SLC22A14: variants seen among roughly 807,000 people sequenced by gnomAD.
SLC22A14 encodes organic cation transporter-like 4.
Under a neutral mutation model 53.9 loss-of-function variants are expected in SLC22A14, and 50 were observed. The observed-to-expected ratio is 0.93, with a 90% CI of 0.74 to 1.17. The LOEUF (loss-of-function observed/expected upper bound fraction) is 1.17. Among genes scored for constraint, SLC22A14 ranks in the 50% most tolerant of loss-of-function variants. SLC22A14 has a pLI of 0.00. For missense variants in SLC22A14, 671 were observed against 734.7 expected, an observed-to-expected ratio of 0.91 and a Z score of 1.00; for synonymous variants, 312 against 303.0, an observed-to-expected ratio of 1.03 and a Z score of -0.31.
Position 38,316,329 on chromosome 3 carries a change from C to T in SLC22A14, c.1538C>T (p.Thr513Ile), listed in dbSNP as rs1704616690. The T allele has an allele frequency of 6.2e-7, 1 of 1,614,072 alleles. No homozygotes were observed. The part of the protein sequence containing the change: ...AELLPTVLRA[T>I]GLGLVSLASV... ...GCTCTCACCTCCACTTTCAGGGCGA[C>T]AGGTCTGGGGCTGGTGTCTCTGGCC... Residue 513 changes from threonine to isoleucine, a missense_variant, in exon 10 of 11, where the codon ACA (threonine) becomes ATA (isoleucine). Transcript: ENST00000448498.
At chr3:38,288,436 G>A (rs1703837543) in intron 1 of SLC22A14, among the ~76,000 whole-genome samples, 1 of 152,084 alleles carries the variant, frequency 6.6e-6, no homozygotes, top group Non-Finnish European at 1.5e-5. Context: ...CAATTCTTTT[G>A]TGTATGTACC....
chr3:38,317,499 C>G (rs907823090), intron 10 of SLC22A14, among the ~76,000 whole-genome samples: 2 of 152,182 alleles, frequency 1.3e-5, no homozygotes, highest in African/African-American at 4.8e-5. Context: ...ACAGTGACAA[C>G]TGAGTAGGGC....
chr3:38,309,395 G>A (rs1343710511), intron 5 of SLC22A14, among the ~76,000 whole-genome samples: 1 of 152,164 alleles, frequency 6.6e-6, no homozygotes, highest in Non-Finnish European at 1.5e-5. Context: ...TTAAGGCCAA[G>A]GGAAGGGTCA....
chr3:38,308,543 C>A (rs1215357446), intron 4 of SLC22A14, among the ~76,000 whole-genome samples: 1 of 152,198 alleles, frequency 6.6e-6, no homozygotes, highest in East Asian at 1.9e-4. Context: ...GGCAGGAGAA[C>A]CTCTTCTCAT....
At position 38,307,667 on chromosome 3, in the gene SLC22A14, G is replaced by T. The variant is rs146612743; in HGVS notation, c.722G>T (p.Arg241Leu). The change falls in exon 4 of 11, where the codon CGC (arginine) becomes CTC (leucine). Residue 241 changes from arginine (R) to leucine (L), a missense_variant. Coordinates refer to ENST00000448498, the MANE Select transcript of SLC22A14 (RefSeq NM_001320033.2). The surrounding 1 kb of genome is among the most constrained non-coding windows in gnomAD (Gnocchi z 4.4). ...MNSFHLYLFFRFGISQSVVGY... is the reference protein window; with the variant it reads ...MNSFHLYLFFLFGISQSVVGY... ...AGCTTTCACCTGTATTTGTTCTTTC[G>T]CTTTGGCATCTCGCAGTCAGTGGTG... is the stretch of plus-strand genomic sequence containing the variant. 6.2e-7 allele frequency: 1 copy of T among 1,614,180 alleles called. No homozygotes were observed. The highest frequency in any genetic ancestry group is 8.5e-7 in the Non-Finnish European group (1 of 1,180,040).
intron 10 of SLC22A14, 74 bp from the exon 11 acceptor site, chr3:38,318,124 A>G: frequency 7.1e-7 from 1 of 1,412,410 alleles, no homozygotes; most frequent in Non-Finnish European, 1.0e-6. Context: ...GGCGCTGCTG[A>G]AGGCACAAGC....
At chr3:38,312,030 G>A (rs1704481409) in intron 5 of SLC22A14, among the ~76,000 whole-genome samples, 1 of 152,152 alleles carries the variant, frequency 6.6e-6, no homozygotes, top group South Asian at 2.1e-4. Flanking sequence ...GCTGAACCCT[G>A]GTGGGAGAGA....
At chr3:38,316,254 G>A in intron 9 of SLC22A14, 70 bp from the exon 10 acceptor site, 4 of 1,375,588 alleles carry the variant, frequency 2.9e-6, no homozygotes, top group South Asian at 1.2e-5. Flanking sequence ...GGGTTTTCAT[G>A]TAGCTGCTGG....
rs1575418492 is a variant in SLC22A14, at chr3:38,307,778, C to T, written c.775+58C>T. 5 of 1,587,518 alleles carry T rather than the reference C, an allele frequency of 3.1e-6. No homozygotes were observed. Among genetic ancestry groups the T allele is most frequent in the Admixed American group, 1.7e-5 (1 of 59,424 alleles). On this transcript the variant is annotated intron_variant, in intron 4 of 10. Coordinates refer to ENST00000448498, the MANE Select transcript of SLC22A14 (RefSeq NM_001320033.2). This position sits in a 1 kb window ranked among gnomAD's most constrained non-coding sequence, Gnocchi z 4.4. ...TGGCACAGGGGCATGGCGGCATAGG[C>T]GGGTGACAAGGGGACATAGTGGCAG...
chr3:38,286,486 C>T (rs1456511229), intron 1 of SLC22A14, among the ~76,000 whole-genome samples: 1 of 151,752 alleles, frequency 6.6e-6, no homozygotes, highest in Non-Finnish European at 1.5e-5. Context: ...ACCACCTCAG[C>T]TCACTGCAAC....
chr3:38,293,919 A>G (rs906033918), intron 1 of SLC22A14, among the ~76,000 whole-genome samples: 8 of 152,216 alleles, frequency 5.3e-5, no homozygotes, highest in African/African-American at 1.7e-4. Flanking sequence ...CGGATTTAGC[A>G]GTAACATTAT....
upstream of SLC22A14, among the ~76,000 whole-genome samples, chr3:38,280,779 G>A (rs145151829): frequency 1.2e-4 from 19 of 152,288 alleles, no homozygotes; most frequent in East Asian, 1.7e-3. Flanking sequence ...ACAGGTGTGC[G>A]CCACTGCGCC....
chr3:38,313,586 A>C, intron 7 of SLC22A14, 101 bp downstream of exon 7: 1 of 987,228 alleles, frequency 1.0e-6, no homozygotes, highest in Non-Finnish European at 1.6e-6. Context: ...GAGGCAGCCC[A>C]AGGACACAGA....
upstream of SLC22A14, among the ~76,000 whole-genome samples, chr3:38,281,353 C>G (rs1306145594): frequency 6.6e-6 from 1 of 151,702 alleles, no homozygotes; most frequent in Non-Finnish European, 1.5e-5. Context: ...TTTTCTGTTG[C>G]TTATAACAGA....
At chr3:38,313,593 C>T in intron 7 of SLC22A14, 108 bp downstream of exon 7, 2 of 970,850 alleles carry the variant, frequency 2.1e-6, no homozygotes, top group South Asian at 1.3e-5. Flanking sequence ...CCCAAGGACA[C>T]AGATCACAGG....
intron 10 of SLC22A14, among the ~76,000 whole-genome samples, chr3:38,317,882 G>GT (rs200418004): frequency 0.01 from 1,573 of 152,290 alleles, 35 homozygotes; most frequent in African/African-American, 0.036. Flanking sequence ...TCTCCCATGG[G>GT]TTTTTTTGAG....
chr3:38,287,618 A>G (rs1452395383), intron 1 of SLC22A14, among the ~76,000 whole-genome samples: 1 of 152,144 alleles, frequency 6.6e-6, no homozygotes, highest in Non-Finnish European at 1.5e-5. Context: ...AATTCATATA[A>G]CTTTATAATA....
rs547200945 is a variant in SLC22A14 at position 38,288,850 on chromosome 3, A to G, written c.-1+6511A>G. Reference sequence around the variant, plus strand: ...ATCTTTTAAAGTTTCCCGTTTTTAAAAATCGTCTTAGTTTGAAATGATTTT... The same window carrying G: ...ATCTTTTAAAGTTTCCCGTTTTTAAGAATCGTCTTAGTTTGAAATGATTTT... On this transcript the variant is annotated intron_variant, in intron 1 of 10. Coordinates refer to ENST00000448498, the MANE Select transcript of SLC22A14 (RefSeq NM_001320033.2). 8.7e-4 allele frequency among the ~76,000 whole-genome samples: 133 copies of G among 152,294 alleles called. 1 individual carries two copies. The Middle Eastern group carries it at 0.024, about 27-fold the overall frequency.
rs1399331783 is a variant in SLC22A14 at position 38,315,605 on chromosome 3, C to G, written c.1426C>G (p.Leu476Val). Residue 476 changes from leucine (L) to valine (V), a missense_variant, in exon 9 of 11, where the codon CTG becomes GTG. Leu to Val is a conservative substitution (Grantham distance 32). Transcript: ENST00000448498. ...LKWPRCPATE[L>V]KSMTILVLML... ...GTGGCCACGTTGTCCGGCCACAGAG[C>G]TGAAATCCATGACGATCTTGGTGCT... 6.2e-7 allele frequency: 1 copy of G among 1,614,050 alleles called. No homozygotes were observed. The highest frequency in any genetic ancestry group is 2.2e-5 in the East Asian group (1 of 44,880).
Sources: allele counts gnomAD v4.1 joint callset (sites outside exome capture counted in the v4.1 genomes callset), GRCh38; gene constraint gnomAD v4.1.1; non-coding constraint Gnocchi (gnomAD v3.1); transcripts MANE v1.5; gene names NCBI Gene and HGNC (gene_info 2026-07-23, HGNC 2026-07-21).